Variants in ZNF804B observed in about 807,000 individuals in gnomAD.
ZNF804B encodes the protein zinc finger 804B.
Under a neutral mutation model 101.4 loss-of-function variants are expected in ZNF804B, and 80 were observed. The observed-to-expected ratio is 0.79, with a 90% CI of 0.66 to 0.95. The LOEUF is 0.95. Among genes scored for constraint, ZNF804B ranks in the 40% least tolerant of loss-of-function variants. The probability of loss-of-function intolerance (pLI) is 0.00; values close to 1 mark genes in which losing one functional copy is unlikely to be tolerated. For synonymous variants in ZNF804B, 622 were observed against 558.8 expected (o/e 1.11, Z -1.59); for missense variants, 1,673 against 1,561.9 (o/e 1.07, Z -1.20).
At chr7:89,268,854 T>G (rs1789839841) in intron 2 of ZNF804B, among the ~76,000 whole-genome samples, 1 of 152,068 alleles carries the variant, frequency 6.6e-6, no homozygotes, top group Admixed American at 6.6e-5. Context: ...AATTTTTAAT[T>G]TAAGTACACT....
intron 1 of ZNF804B, among the ~76,000 whole-genome samples, chr7:89,188,341 C>T (rs936626367): frequency 6.6e-6 from 1 of 152,090 alleles, no homozygotes; most frequent in Non-Finnish European, 1.5e-5. Context: ...TGTAAGTGTT[C>T]TGACTGCTTC....
rs777852429 is a variant in ZNF804B, at chr7:89,334,759, G to A, written c.1777G>A (p.Gly593Arg). The change falls in exon 4 of 4, where the codon GGA becomes AGA. Residue 593 changes from glycine to arginine, a missense_variant. Gly to Arg is a moderately radical substitution (Grantham distance 125). Transcript: ENST00000333190. ...YLNTSLKDCA[G>R]KNNSSENKLK... The stretch of plus-strand genomic sequence containing the variant: ...CAACACATCTCTAAAGGATTGTGCT[G>A]GAAAGAATAATAGTAGTGAGAACAA... 1.9e-6 allele frequency: 3 copies of A among 1,613,592 alleles called. No individual in the cohort carries two copies. The highest frequency in any genetic ancestry group is 2.5e-6 in the Non-Finnish European group (3 of 1,179,834).
At chr7:88,850,766 G>C (rs1377912457) in intron 1 of ZNF804B, among the ~76,000 whole-genome samples, 1 of 151,856 alleles carries the variant, frequency 6.6e-6, no homozygotes, top group African/African-American at 2.4e-5. Flanking sequence ...CAAACAAGAA[G>C]TACCAAGCAT....
chr7:88,854,122 A>G (rs1370688049), intron 1 of ZNF804B, among the ~76,000 whole-genome samples: 2 of 152,190 alleles, frequency 1.3e-5, no homozygotes, highest in South Asian at 4.1e-4. Flanking sequence ...GTCTATCAAC[A>G]TAATAATAAT....
At chr7:88,928,471 A>G (rs931539741) in intron 1 of ZNF804B, among the ~76,000 whole-genome samples, 7 of 152,176 alleles carry the variant, frequency 4.6e-5, no homozygotes, top group Admixed American at 4.6e-4. Context: ...GGGAAGTGTC[A>G]AGTGGGAGTT....
intron 1 of ZNF804B, among the ~76,000 whole-genome samples, chr7:88,897,162 G>C (rs1050434228): frequency 1.3e-5 from 2 of 152,146 alleles, no homozygotes; most frequent in African/African-American, 4.8e-5. Flanking sequence ...ACCTTACGTA[G>C]CATAAGGAAC....
intron 2 of ZNF804B, among the ~76,000 whole-genome samples, chr7:89,264,087 G>A (rs1789748523): frequency 6.6e-6 from 1 of 152,054 alleles, no homozygotes; most frequent in Non-Finnish European, 1.5e-5. Flanking sequence ...TTACAAACAT[G>A]TTTATATCCA....
At chr7:88,995,750 C>T (rs543754072) in intron 1 of ZNF804B, among the ~76,000 whole-genome samples, 9 of 152,016 alleles carry the variant, frequency 5.9e-5, no homozygotes, top group South Asian at 4.2e-4. Flanking sequence ...AAACACCACC[C>T]GATCAAAGTG....
At chr7:89,170,244 A>T (rs1320005359) in intron 1 of ZNF804B, among the ~76,000 whole-genome samples, 1 of 152,226 alleles carries the variant, frequency 6.6e-6, no homozygotes, top group Non-Finnish European at 1.5e-5. Flanking sequence ...AAAATAGGGA[A>T]AAATGGATAT....
At chr7:88,763,019 T>C (rs1318022005) in intron 1 of ZNF804B, among the ~76,000 whole-genome samples, 2 of 152,178 alleles carry the variant, frequency 1.3e-5, no homozygotes. Flanking sequence ...AGGAGAAAGC[T>C]ACAATCCCTT....
intron 1 of ZNF804B, among the ~76,000 whole-genome samples, chr7:88,877,007 A>AATATATATATATATAATATATAT (rs1554342845): frequency 2.8e-4 from 21 of 75,178 alleles, no homozygotes; most frequent in African/African-American, 1.8e-3. Context: ...TGAAAAAAAA[A>AATATATATATATATAATATATAT]ATATATATAT....
intron 1 of ZNF804B, among the ~76,000 whole-genome samples, chr7:89,009,122 G>C (rs1383382421): frequency 6.6e-6 from 1 of 152,056 alleles, no homozygotes; most frequent in Non-Finnish European, 1.5e-5. Context: ...GTTTTCAAAG[G>C]TTATCCTTTG....
At chr7:89,180,731 G>A (rs1377159118) in intron 1 of ZNF804B, among the ~76,000 whole-genome samples, 1 of 151,416 alleles carries the variant, frequency 6.6e-6, no homozygotes, top group African/African-American at 2.4e-5. Context: ...GCACTGCCTG[G>A]GGTTAGGGAA....
intron 1 of ZNF804B, among the ~76,000 whole-genome samples, chr7:89,149,123 C>A (rs974404041): frequency 1.3e-5 from 2 of 152,036 alleles, no homozygotes; most frequent in Non-Finnish European, 2.9e-5. Context: ...ATGGCATGAA[C>A]CTTTCATTTT....
intron 1 of ZNF804B, among the ~76,000 whole-genome samples, chr7:89,056,714 C>T (rs1165848697): frequency 1.3e-5 from 2 of 152,090 alleles, no homozygotes; most frequent in Non-Finnish European, 2.9e-5. Flanking sequence ...TTGGATCTTA[C>T]CAGTTTTGCC....
intron 1 of ZNF804B, among the ~76,000 whole-genome samples, chr7:88,936,347 C>T (rs1792970199): frequency 2.6e-5 from 4 of 151,938 alleles, no homozygotes; most frequent in Admixed American, 2.6e-4. Flanking sequence ...CAGAGTCACC[C>T]TGCCAAATTA....
At chr7:88,914,429 G>C (rs147054451) in intron 1 of ZNF804B, among the ~76,000 whole-genome samples, 1 of 151,998 alleles carries the variant, frequency 6.6e-6, no homozygotes. Flanking sequence ...ACTTGAAGAG[G>C]GTTTCTTTCC....
At chr7:89,292,700 A>C (rs1295496998) in intron 2 of ZNF804B, among the ~76,000 whole-genome samples, 1 of 140,360 alleles carries the variant, frequency 7.1e-6, no homozygotes, top group Non-Finnish European at 1.6e-5. Flanking sequence ...GTGAATCCTT[A>C]CTTACCAATA....
intron 2 of ZNF804B, among the ~76,000 whole-genome samples, chr7:89,311,566 A>T (rs1229329927): frequency 6.6e-6 from 1 of 152,200 alleles, no homozygotes; most frequent in Non-Finnish European, 1.5e-5. Context: ...TTATTTGTTC[A>T]TTACAGAAGT....
Sources: gnomAD v4.1 joint callset for allele counts (sites outside exome capture counted in the v4.1 genomes callset) on GRCh38, gnomAD v4.1.1 for gene constraint, MANE v1.5 for transcripts, NCBI Gene and HGNC (gene_info 2026-07-23, HGNC 2026-07-21) for gene names.